FAM107B: variants seen among roughly 807,000 people sequenced by gnomAD.
FAM107B encodes family with sequence similarity 107 member B.
In FAM107B, 21 loss-of-function variants were observed where a neutral mutation model predicts 31.5. The ratio of observed to expected loss-of-function variants is 0.67; its 90% CI spans 0.47 to 0.96. FAM107B has a LOEUF of 0.96. Among genes scored for constraint, FAM107B ranks in the 40% least tolerant of loss-of-function variants. FAM107B has a pLI of 0.00. For synonymous variants in FAM107B, 157 were observed against 141.5 expected, an observed-to-expected ratio of 1.11 and a Z score of -0.78; for missense variants, 452 against 377.1, an observed-to-expected ratio of 1.20 and a Z score of -1.64.
chr10:14,541,560 G>C (rs185153304), intron 2 of FAM107B, among the ~76,000 whole-genome samples: 1 of 152,044 alleles, frequency 6.6e-6, no homozygotes, highest in Non-Finnish European at 1.5e-5. Flanking sequence ...GAGTCTTCCC[G>C]GGGCCTCTCC....
chr10:14,704,534 C>A (rs1447833230), intron 1 of FAM107B, among the ~76,000 whole-genome samples: 3 of 152,220 alleles, frequency 2.0e-5, no homozygotes, highest in African/African-American at 7.2e-5. Flanking sequence ...CCAGCCAAGA[C>A]TGGGCAGCCT....
chr10:14,530,220 A>G lies in FAM107B; in HGVS notation c.653+112T>C, dbSNP rs541602937. On this transcript the variant is annotated intron_variant, in intron 3 of 4. Coordinates refer to ENST00000181796, the MANE Select transcript of FAM107B (RefSeq NM_031453.4). ...TGAGAAGGAATAAGAAAGCCTTAAC[A>G]AAGTGCAAGAAATCAAAGACTCTTT... The G allele has an allele frequency of 5.4e-5, 64 of 1,178,116 alleles. 1 individual carries two copies. In the South Asian group the frequency reaches 1.0e-3, roughly 19 times the overall value. The allele number at this position is 1,178,116 out of a possible 1,614,324, so 73.0% of individuals were successfully genotyped here. A position where few individuals can be genotyped will look rare whatever the true frequency, so the allele number is the denominator to read the frequency against.
At chr10:14,524,278 A>C (rs1359165671) in intron 3 of FAM107B, among the ~76,000 whole-genome samples, 1 of 152,120 alleles carries the variant, frequency 6.6e-6, no homozygotes, top group African/African-American at 2.4e-5. Flanking sequence ...CCTGAGCTCA[A>C]GCCGTCTACC....
chr10:14,696,596 G>A (rs1855271467), intron 1 of FAM107B, among the ~76,000 whole-genome samples: 1 of 152,166 alleles, frequency 6.6e-6, no homozygotes, highest in Non-Finnish European at 1.5e-5. Flanking sequence ...TTCCTTAAAT[G>A]TTTGGCAGGA....
At chr10:14,687,848 C>T (rs749975303) in intron 1 of FAM107B, among the ~76,000 whole-genome samples, 7 of 152,186 alleles carry the variant, frequency 4.6e-5, no homozygotes, top group South Asian at 2.1e-4. Flanking sequence ...CACACACATA[C>T]GTGCACACAC....
chr10:14,521,297 C>G lies in FAM107B; in HGVS notation c.814G>C (p.Glu272Gln). 1 of 1,613,960 alleles carries G rather than the reference C, an allele frequency of 6.2e-7. No homozygotes were observed. Among genetic ancestry groups the G allele is most frequent in the Non-Finnish European group, 8.5e-7 (1 of 1,179,896 alleles). The change falls in exon 5 of 5, where the codon GAG becomes CAG. Residue 272 changes from glutamate (E) to glutamine (Q), a missense_variant. By Grantham distance (29) the Glu-to-Gln change is conservative. Transcript: ENST00000181796. ...RQQKLEQLEL[E>Q]KQKLQEEQEN... ...TGCTCTTCTTGCAATTTCTGCTTCT[C>G]AAGTTCAAGCTAAATGACATTCAGA...
At chr10:14,641,031 T>C (rs939649648) in intron 2 of FAM107B, among the ~76,000 whole-genome samples, 2 of 152,254 alleles carry the variant, frequency 1.3e-5, no homozygotes, top group Non-Finnish European at 2.9e-5. Context: ...TATAATGTCC[T>C]GCTAGGTGAA....
intron 1 of FAM107B, among the ~76,000 whole-genome samples, chr10:14,688,006 G>C (rs1855032001): frequency 6.6e-6 from 1 of 152,178 alleles, no homozygotes; most frequent in Non-Finnish European, 1.5e-5. Context: ...TGAGTCAGTG[G>C]GCTGGGAAAG....
intron 2 of FAM107B, among the ~76,000 whole-genome samples, chr10:14,575,710 A>AATGC (rs1851444107): frequency 6.6e-6 from 1 of 152,160 alleles, no homozygotes; most frequent in South Asian, 2.1e-4. Flanking sequence ...TTTACATCAC[A>AATGC]ATGCAGACAG....
chr10:14,727,404 T>G (rs1856062155), intron 1 of FAM107B, among the ~76,000 whole-genome samples: 1 of 152,212 alleles, frequency 6.6e-6, no homozygotes, highest in South Asian at 2.1e-4. Context: ...TCTTAACCAT[T>G]ACAATGTGTT....
chr10:14,609,501 C>A (rs1490352271), intron 2 of FAM107B, among the ~76,000 whole-genome samples: 1 of 152,160 alleles, frequency 6.6e-6, no homozygotes, highest in African/African-American at 2.4e-5. Context: ...GCCCAGAAAC[C>A]TCATCATGTG....
chr10:14,717,330 G>A (rs1855802965), intron 1 of FAM107B, among the ~76,000 whole-genome samples: 1 of 152,128 alleles, frequency 6.6e-6, no homozygotes, highest in South Asian at 2.1e-4. Flanking sequence ...AAAAGGGAGT[G>A]TACTAGGGAG....
rs1339037793 is a variant in FAM107B, at chr10:14,553,402, CA to C, written c.470-22888del. ...ACTGCATTCTCCTTTAAAAAAAAAACATAGTGAAAGTCAGTTAACAAGTTTC... is the reference window on the plus strand; with the variant it reads ...ACTGCATTCTCCTTTAAAAAAAAAACTAGTGAAAGTCAGTTAACAAGTTTC... On this transcript the variant is annotated intron_variant, in intron 2 of 4. Coordinates refer to ENST00000181796, the MANE Select transcript of FAM107B (RefSeq NM_031453.4). The C allele has an allele frequency of 5.7e-6, 7 of 1,225,582 alleles. No individual in the cohort carries two copies. The Admixed American group carries it at 1.7e-4, about 30-fold the overall frequency. The allele number at this position is 1,225,582 out of a possible 1,614,324, so 75.9% of individuals were successfully genotyped here.
intron 1 of FAM107B, among the ~76,000 whole-genome samples, chr10:14,750,783 CA>C (rs1832811669): frequency 2.0e-5 from 3 of 151,978 alleles, no homozygotes; most frequent in East Asian, 1.9e-4. Flanking sequence ...GCTGTCTCTA[CA>C]AAAAAATTTT....
intron 2 of FAM107B, among the ~76,000 whole-genome samples, chr10:14,574,651 G>T (rs1360416343): frequency 6.6e-6 from 1 of 152,198 alleles, no homozygotes; most frequent in African/African-American, 2.4e-5. Flanking sequence ...ACCTCTCACA[G>T]ATTATTAGTA....
intron 2 of FAM107B, among the ~76,000 whole-genome samples, chr10:14,576,343 A>T (rs1851464964): frequency 6.6e-6 from 1 of 152,210 alleles, no homozygotes; most frequent in Non-Finnish European, 1.5e-5. Flanking sequence ...CCTGGCAAAC[A>T]TGGTGAAACC....
intron 2 of FAM107B, among the ~76,000 whole-genome samples, chr10:14,571,129 G>A (rs886789828): frequency 2.0e-5 from 3 of 152,056 alleles, no homozygotes; most frequent in Non-Finnish European, 4.4e-5. Flanking sequence ...TTCTGGCTGT[G>A]TCCTCACATG....
intron 1 of FAM107B, among the ~76,000 whole-genome samples, chr10:14,748,116 T>C (rs1204850736): frequency 6.6e-6 from 1 of 152,210 alleles, no homozygotes; most frequent in African/African-American, 2.4e-5. Context: ...TACTGTACCA[T>C]TCTAATTTTG....
At chr10:14,674,943 T>C (rs180784367) in intron 1 of FAM107B, among the ~76,000 whole-genome samples, 2 of 152,284 alleles carry the variant, frequency 1.3e-5, no homozygotes, top group Admixed American at 1.3e-4. Context: ...TTTGCCACGT[T>C]GTGCTCCGAA....
Sources: gnomAD v4.1 joint callset for allele counts (sites outside exome capture counted in the v4.1 genomes callset) on GRCh38, gnomAD v4.1.1 for gene constraint, MANE v1.5 for transcripts, NCBI Gene and HGNC (gene_info 2026-07-23, HGNC 2026-07-21) for gene names.